Variants in HS3ST4 observed in about 807,000 individuals in gnomAD.
HS3ST4 encodes the protein heparan sulfate-glucosamine 3-sulfotransferase 4.
In HS3ST4, 17 loss-of-function variants were observed where a neutral mutation model predicts 29.2. The ratio of observed to expected loss-of-function variants is 0.58; its 90% CI spans 0.40 to 0.87. The LOEUF (loss-of-function observed/expected upper bound fraction) is 0.87. Ranked by LOEUF, HS3ST4 falls within the 40% of genes least tolerant of loss-of-function variation. The pLI is 0.00. For missense variants in HS3ST4, 627 were observed against 634.5 expected (o/e 0.99, Z 0.13); for synonymous variants, 314 against 285.7 (o/e 1.10, Z -1.00).
chr16:25,803,563 A>G (rs1015953708), intron 1 of HS3ST4, among the ~76,000 whole-genome samples: 1 of 152,126 alleles, frequency 6.6e-6, no homozygotes, highest in African/African-American at 2.4e-5. Flanking sequence ...TTTTAAATTC[A>G]TGCCTTATTT....
chr16:25,836,255 G>T (rs1039146038), intron 1 of HS3ST4, among the ~76,000 whole-genome samples: 11 of 152,164 alleles, frequency 7.2e-5, no homozygotes, highest in African/African-American at 2.7e-4. Flanking sequence ...ATGCATAGGG[G>T]TTCAAATGGA....
chr16:26,119,590 A>G (rs994974048), intron 1 of HS3ST4, among the ~76,000 whole-genome samples: 1 of 152,082 alleles, frequency 6.6e-6, no homozygotes, highest in East Asian at 1.9e-4. Context: ...GGATGCTGCA[A>G]TGTGGTGTGT....
At chr16:25,905,722 T>C (rs563474188) in intron 1 of HS3ST4, among the ~76,000 whole-genome samples, 1 of 152,332 alleles carries the variant, frequency 6.6e-6, no homozygotes, top group South Asian at 2.1e-4. Flanking sequence ...CTTTCCTTTT[T>C]GAGAAATGGG....
At chr16:25,956,416 C>CT (rs1968733154) in intron 1 of HS3ST4, among the ~76,000 whole-genome samples, 1 of 152,166 alleles carries the variant, frequency 6.6e-6, no homozygotes, top group Non-Finnish European at 1.5e-5. Context: ...AAGGATGCCC[C>CT]TTTTTACCAC....
chr16:25,764,938 C>T (rs184064304), intron 1 of HS3ST4, among the ~76,000 whole-genome samples: 3 of 152,288 alleles, frequency 2.0e-5, no homozygotes, highest in Non-Finnish European at 4.4e-5. Flanking sequence ...ACCTTCTGAT[C>T]CTGCTAGCCA....
At chr16:26,063,609 G>A (rs1335161712) in intron 1 of HS3ST4, among the ~76,000 whole-genome samples, 1 of 152,052 alleles carries the variant, frequency 6.6e-6, no homozygotes, top group Non-Finnish European at 1.5e-5. Flanking sequence ...AGTGGGAGGA[G>A]TGCTTGAGCC....
chr16:25,856,218 C>T (rs1319275630), intron 1 of HS3ST4, among the ~76,000 whole-genome samples: 1 of 151,962 alleles, frequency 6.6e-6, no homozygotes, highest in Non-Finnish European at 1.5e-5. Flanking sequence ...CTCCTAAAAC[C>T]TTTGGAATTT....
At chr16:25,855,711 T>G (rs1346000299) in intron 1 of HS3ST4, among the ~76,000 whole-genome samples, 1 of 152,170 alleles carries the variant, frequency 6.6e-6, no homozygotes, top group Non-Finnish European at 1.5e-5. Flanking sequence ...CAGGTTACTC[T>G]GGGCTGCTCT....
chr16:25,763,893 T>C (rs1409891010), intron 1 of HS3ST4, among the ~76,000 whole-genome samples: 4 of 152,152 alleles, frequency 2.6e-5, no homozygotes, highest in Non-Finnish European at 5.9e-5. Flanking sequence ...GGTTGGAGAA[T>C]GGGTTAGATG....
intron 1 of HS3ST4, among the ~76,000 whole-genome samples, chr16:25,779,237 G>T (rs1212416620): frequency 1.3e-5 from 2 of 152,194 alleles, no homozygotes; most frequent in Admixed American, 6.5e-5. Flanking sequence ...CAAAATCAGG[G>T]TGTTACAGGG....
intron 1 of HS3ST4, among the ~76,000 whole-genome samples, chr16:26,044,240 C>G (rs114115308): frequency 0.04 from 6,116 of 152,240 alleles, 160 homozygotes; most frequent in Middle Eastern, 0.15. Context: ...TTCATCAGAG[C>G]TGTTACTTGA....
chr16:26,002,680 A>T (rs1969221955), intron 1 of HS3ST4, among the ~76,000 whole-genome samples: 1 of 128,594 alleles, frequency 7.8e-6, no homozygotes, highest in African/African-American at 2.9e-5. Context: ...AGAGAAAGAG[A>T]TAGAGAAAAA....
intron 1 of HS3ST4, among the ~76,000 whole-genome samples, chr16:25,935,055 G>A (rs911111136): frequency 1.3e-5 from 2 of 152,096 alleles, no homozygotes; most frequent in South Asian, 4.1e-4. Context: ...TTTTATAAGT[G>A]TCTGGCATTT....
At chr16:25,754,366 A>C in intron 1 of HS3ST4, among the ~76,000 whole-genome samples, 1 of 147,028 alleles carries the variant, frequency 6.8e-6, no homozygotes, top group African/African-American at 2.5e-5. Flanking sequence ...TCATCCACCC[A>C]CCCACCCATT....
chr16:26,061,637 TG>T (rs1466339095), intron 1 of HS3ST4, among the ~76,000 whole-genome samples: 22 of 152,228 alleles, frequency 1.4e-4, no homozygotes, highest in Non-Finnish European at 2.5e-4. Context: ...TCTAAGTGGC[TG>T]GGAGTTTCTT....
At chr16:25,970,700 G>T (rs1423746402) in intron 1 of HS3ST4, among the ~76,000 whole-genome samples, 1 of 151,986 alleles carries the variant, frequency 6.6e-6, no homozygotes, top group Non-Finnish European at 1.5e-5. Flanking sequence ...AATATTTTTG[G>T]TAGAGATGGA....
intron 1 of HS3ST4, among the ~76,000 whole-genome samples, chr16:25,772,613 C>T (rs1290603913): frequency 1.3e-5 from 2 of 152,146 alleles, no homozygotes; most frequent in African/African-American, 4.8e-5. Context: ...TTCAGAACCT[C>T]AGCCTTTCAA....
intron 1 of HS3ST4, among the ~76,000 whole-genome samples, chr16:25,982,052 A>G (rs1210593117): frequency 6.6e-6 from 1 of 152,194 alleles, no homozygotes. Context: ...ACACACACAG[A>G]CACACACATA....
At chr16:25,803,963 C>G (rs1966965332) in intron 1 of HS3ST4, among the ~76,000 whole-genome samples, 1 of 152,016 alleles carries the variant, frequency 6.6e-6, no homozygotes. Context: ...CTTCCCTCTC[C>G]TCCTCACCTC....
Sources: gnomAD v4.1 joint callset for allele counts (sites outside exome capture counted in the v4.1 genomes callset) on GRCh38, gnomAD v4.1.1 for gene constraint, MANE v1.5 for transcripts, NCBI Gene and HGNC (gene_info 2026-07-23, HGNC 2026-07-21) for gene names.